ADGRF3: variants seen among roughly 807,000 people sequenced by gnomAD.
ADGRF3 encodes the protein G protein-coupled receptor 113.
ADGRF3 carries 85 observed loss-of-function variants against 93.2 expected under a neutral mutation model. The ratio of observed to expected loss-of-function variants is 0.91; its 90% CI spans 0.77 to 1.09. The LOEUF is 1.09. Ranked by LOEUF, ADGRF3 falls within the 50% of genes least tolerant of loss-of-function variation. The probability of loss-of-function intolerance (pLI) is 0.00; values close to 1 mark genes in which losing one functional copy is unlikely to be tolerated. For missense variants in ADGRF3, 1,125 were observed against 1,246.2 expected (o/e 0.90, Z 1.46); for synonymous variants, 534 against 532.5 (o/e 1.00, Z -0.04).
intron 1 of ADGRF3, among the ~76,000 whole-genome samples, chr2:26,318,487 A>G (rs1169969958): frequency 6.6e-6 from 1 of 152,112 alleles, no homozygotes; most frequent in Non-Finnish European, 1.5e-5. Context: ...TTACATAAAG[A>G]TAGATTTAAA....
chr2:26,312,634 C>T (rs1029993379), intron 9 of ADGRF3, among the ~76,000 whole-genome samples: 1 of 152,218 alleles, frequency 6.6e-6, no homozygotes, highest in Non-Finnish European at 1.5e-5. Flanking sequence ...CATACTTCAG[C>T]GTCTCCATAG....
At chr2:26,324,413 G>T (rs1675327786) in intron 1 of ADGRF3, among the ~76,000 whole-genome samples, 1 of 152,132 alleles carries the variant, frequency 6.6e-6, no homozygotes, top group African/African-American at 2.4e-5. Flanking sequence ...TTGAGTCATG[G>T]AGGTTTGTTG....
Position 26,318,467 on chromosome 2 carries a change from A to G in ADGRF3, c.115-905T>C, listed in dbSNP as rs1423416520. ...TATAGATAGATTTAGATACAGATAC[A>G]GATATATATTTACATAAAGATAGAT... On this transcript the variant is annotated intron_variant, in intron 1 of 13. Transcript: ENST00000651242. Among the ~76,000 whole-genome samples the G allele has an allele frequency of 3.3e-5, 5 of 152,142 alleles. No individual in the cohort carries two copies. In the East Asian group the frequency reaches 9.7e-4, roughly 29 times the overall value.
Position 26,313,547 on chromosome 2 carries a change from C to G in ADGRF3, c.1099G>C (p.Ala367Pro), listed in dbSNP as rs760847962. 3 of 1,608,400 alleles carry G rather than the reference C, an allele frequency of 1.9e-6. No individual in the cohort carries two copies. In the South Asian group the frequency reaches 3.3e-5, roughly 18 times the overall value. Residue 367 changes from alanine to proline, a missense_variant, in exon 8 of 14, where the codon GCC (alanine) becomes CCC (proline). Ala to Pro is a conservative substitution (Grantham distance 27). Transcript: ENST00000651242. ...QDGDITCPED[A>P]SVLTWNVTKA... ...GTGACATTCCAGGTGAGCACCGAGG[C>G]GTCCTCAGGGCAGGTGATGTCTCCA...
Position 26,311,811 on chromosome 2 carries a change from C to T in ADGRF3, c.1713G>A (p.Arg571=), listed in dbSNP as rs150934211. 225 of 1,613,686 alleles carry T rather than the reference C, an allele frequency of 1.4e-4. 1 individual carries two copies. Among genetic ancestry groups the T allele is most frequent in the Non-Finnish European group, 1.8e-4 (213 of 1,179,844 alleles). The change falls in exon 10 of 14, where the codon AGG becomes AGA. Residue 571 remains arginine, a synonymous_variant. Coordinates refer to ENST00000651242, the MANE Select transcript of ADGRF3 (RefSeq NM_001321971.2). The part of the protein sequence containing the change: ...TRPPLQAQIP[R]HSLAPLVRNG... The stretch of plus-strand genomic sequence containing the variant: ...TACGGACCAATGGGGCCAGTGAGTG[C>T]CTGGGAATCTGAGCCTGCAGTGGGG...
At chr2:26,336,546 C>T (rs1676050036) in intron 1 of ADGRF3, among the ~76,000 whole-genome samples, 1 of 151,378 alleles carries the variant, frequency 6.6e-6, no homozygotes, top group Admixed American at 6.6e-5. Flanking sequence ...GCCAACATGG[C>T]AAAACCCTGT....
intron 1 of ADGRF3, among the ~76,000 whole-genome samples, chr2:26,334,527 T>C (rs750304279): frequency 6.6e-6 from 1 of 152,214 alleles, no homozygotes; most frequent in Non-Finnish European, 1.5e-5. Flanking sequence ...AGCTGGTGGC[T>C]ACCTCAAGGG....
At chr2:26,328,695 G>C (rs879535418) in intron 1 of ADGRF3, among the ~76,000 whole-genome samples, 2 of 152,026 alleles carry the variant, frequency 1.3e-5, no homozygotes, top group African/African-American at 4.8e-5. Context: ...CTCGTGATCC[G>C]CCCGCCTCAG....
intron 8 of ADGRF3, 55 bp downstream of exon 8, chr2:26,313,322 A>G: frequency 1.3e-6 from 2 of 1,483,054 alleles, no homozygotes; most frequent in African/African-American, 1.4e-5. Flanking sequence ...TGGGTCCTAG[A>G]GAGGCTAGGG....
intron 3 of ADGRF3, 62 bp from the exon 4 acceptor site, chr2:26,316,510 A>G: frequency 2.0e-6 from 3 of 1,483,442 alleles, no homozygotes; most frequent in Non-Finnish European, 2.7e-6. Flanking sequence ...TGGGCAGGGC[A>G]GACACCTGCC....
rs1574686336 is a variant in ADGRF3 at position 26,308,349 on chromosome 2, A to G, written c.*737T>C. ...TCTTGTGAATTCCATAAGTTAATTCAGCCAGATAGATATCTTGGTGTCTTC... is the reference window on the plus strand; with the variant it reads ...TCTTGTGAATTCCATAAGTTAATTCGGCCAGATAGATATCTTGGTGTCTTC... On this transcript the variant is annotated 3_prime_UTR_variant, in exon 14 of 14. Transcript: ENST00000651242. The G allele has an allele frequency of 1.3e-5, 2 of 152,292 alleles. No homozygotes were observed. 9.4% of individuals were successfully genotyped at this position (152,292 alleles called of 1,614,324 possible).
intron 9 of ADGRF3, 56 bp from the exon 10 acceptor site, chr2:26,312,130 C>G: frequency 6.6e-7 from 1 of 1,516,878 alleles, no homozygotes; most frequent in Non-Finnish European, 8.8e-7. Flanking sequence ...AGGACTGAGC[C>G]GGGGGCAATG....
intron 6 of ADGRF3, 139 bp downstream of exon 6, chr2:26,314,274 TA>T: frequency 1.2e-6 from 1 of 800,474 alleles, no homozygotes; most frequent in East Asian, 2.7e-5. Flanking sequence ...TCTGATGGGG[TA>T]GAAAACAGTG....
rs774825211 is a variant in ADGRF3 at position 26,329,677 on chromosome 2, C to T, written c.115-12115G>A. ...CTACATTTGTAGGTATTTATTATAG[C>T]AGCCATGGTAGTAATTTAATACAGA... On this transcript the variant is annotated intron_variant, in intron 1 of 13. Coordinates refer to ENST00000651242, the MANE Select transcript of ADGRF3 (RefSeq NM_001321971.2). Among the ~76,000 whole-genome samples, 53 of 152,348 alleles carry T rather than the reference C, an allele frequency of 3.5e-4. 1 individual carries two copies. The highest frequency in any genetic ancestry group is 2.1e-4 in the South Asian group (1 of 4,830).
At chr2:26,333,888 A>G (rs1162101079) in intron 1 of ADGRF3, among the ~76,000 whole-genome samples, 1 of 151,986 alleles carries the variant, frequency 6.6e-6, no homozygotes, top group Non-Finnish European at 1.5e-5. Flanking sequence ...CAGTGGTGCA[A>G]TCTCGGCTCA....
At chr2:26,344,012 ATCATG>A (rs1676546293) in intron 1 of ADGRF3, among the ~76,000 whole-genome samples, 1 of 152,254 alleles carries the variant, frequency 6.6e-6, no homozygotes, top group African/African-American at 2.4e-5. Context: ...TTAAGAATCA[ATCATG>A]TCATTTTGAG....
rs1423367252 is a variant in ADGRF3 at position 26,314,552 on chromosome 2, T to A, written c.790A>T (p.Lys264Ter). Residue 264 changes from lysine to a stop codon, truncating the protein, a stop_gained, in exon 6 of 14, where the codon AAG (lysine) becomes TAG (stop). Transcript: ENST00000651242. LOFTEE classifies it high-confidence loss of function. ...GGAAGTCGAGCCACATCTGTCGCCT[T>A]CAAGGGCACCCTCACCACCTCATAC... ...NLYEVVRVPLKATDVARLPYQ... is the reference protein window; with the variant it reads ...NLYEVVRVPL 3.1e-6 allele frequency: 5 copies of A among 1,614,030 alleles called. No homozygotes were observed. The East Asian group carries it at 1.1e-4, about 36-fold the overall frequency.
At position 26,311,544 on chromosome 2, in the gene ADGRF3, A is replaced by AC. The variant is rs760676403; in HGVS notation, c.1979dup (p.Trp661LeufsTer323). 7.0e-5 allele frequency: 113 copies of AC among 1,613,202 alleles called. No homozygotes were observed. The highest frequency in any genetic ancestry group is 8.1e-5 in the Non-Finnish European group (96 of 1,179,662). ...GTGCCTGGCACCCTTCTTTGGACCAACCCCCCCTGCCCTGGAAGAGACTGT... is the reference window on the plus strand; with the variant it reads ...GTGCCTGGCACCCTTCTTTGGACCAACCCCCCCCTGCCCTGGAAGAGACTGT... On this transcript the variant is annotated frameshift_variant, in exon 10 of 14. Coordinates refer to ENST00000651242, the MANE Select transcript of ADGRF3 (RefSeq NM_001321971.2). LOFTEE classifies it high-confidence loss of function.
intron 7 of ADGRF3, 25 bp from the exon 8 acceptor site, chr2:26,313,598 C>T: frequency 6.3e-7 from 1 of 1,590,786 alleles, no homozygotes; most frequent in African/African-American, 1.3e-5. Context: ...GCAGGCGCTA[C>T]TCAGCAATCA....
Sources: gnomAD v4.1 joint callset for allele counts (sites outside exome capture counted in the v4.1 genomes callset) on GRCh38, gnomAD v4.1.1 for gene constraint, MANE v1.5 for transcripts, NCBI Gene and HGNC (gene_info 2026-07-23, HGNC 2026-07-21) for gene names.